DLC1: variants seen among roughly 807,000 people sequenced by gnomAD.
DLC1 encodes the protein rho GTPase-activating protein 7.
In DLC1, 54 loss-of-function variants were observed where a neutral mutation model predicts 140.3. The ratio of observed to expected loss-of-function variants is 0.38; its 90% confidence interval spans 0.31 to 0.48. DLC1 has a LOEUF of 0.48. DLC1 is among the 20% of genes least tolerant of loss of function. The pLI is 0.96. For missense variants in DLC1, 2,536 were observed against 1,907.0 expected (o/e 1.33, Z -6.14); for synonymous variants, 986 against 728.1 (o/e 1.35, Z -5.70).
intron 1 of DLC1, among the ~76,000 whole-genome samples, chr8:13,604,002 A>G (rs1002752646): frequency 6.6e-6 from 1 of 152,162 alleles, no homozygotes; most frequent in African/African-American, 2.4e-5. Context: ...TCTATGAAAA[A>G]GCTTATAAGA....
chr8:13,561,514 G>T (rs993285559), intron 1 of DLC1, among the ~76,000 whole-genome samples: 6 of 152,122 alleles, frequency 3.9e-5, no homozygotes, highest in South Asian at 4.1e-4. Context: ...TTTTTTTAAT[G>T]CAAAACTGGG....
chr8:13,243,388 G>A (rs546269286), intron 5 of DLC1, among the ~76,000 whole-genome samples: 12 of 151,038 alleles, frequency 7.9e-5, no homozygotes, highest in Non-Finnish European at 1.0e-4. Context: ...ACCTTCTGCC[G>A]TGATTGTGAG....
intron 2 of DLC1, among the ~76,000 whole-genome samples, chr8:13,417,880 C>G (rs1462682096): frequency 6.6e-6 from 1 of 152,106 alleles, no homozygotes; most frequent in African/African-American, 2.4e-5. Context: ...CTGTTGTTTC[C>G]TGACTTTTTA....
At chr8:13,447,318 T>C (rs1041276879) in intron 2 of DLC1, among the ~76,000 whole-genome samples, 2 of 152,258 alleles carry the variant, frequency 1.3e-5, no homozygotes, top group African/African-American at 4.8e-5. Flanking sequence ...ACATAATTCT[T>C]ATATTTTCTT....
At chr8:13,522,282 G>A (rs774625134) in intron 1 of DLC1, among the ~76,000 whole-genome samples, 7 of 152,066 alleles carry the variant, frequency 4.6e-5, no homozygotes, top group Non-Finnish European at 7.4e-5. Context: ...ACAATGGAAC[G>A]ACTTTGGCCT....
intron 4 of DLC1, among the ~76,000 whole-genome samples, chr8:13,331,049 A>G (rs1174516558): frequency 6.6e-6 from 1 of 152,190 alleles, no homozygotes; most frequent in Non-Finnish European, 1.5e-5. Context: ...AGAAAAGCTC[A>G]CTACCTTCTT....
chr8:13,364,770 C>G (rs982736236), intron 4 of DLC1, among the ~76,000 whole-genome samples: 3 of 152,136 alleles, frequency 2.0e-5, no homozygotes, highest in African/African-American at 7.2e-5. Flanking sequence ...CCAATCAAAA[C>G]CAAACTTTTC....
intron 2 of DLC1, chr8:13,498,769 C>CAACTAAAGAA (rs1385652877): frequency 4.0e-5 from 12 of 298,572 alleles, no homozygotes; most frequent in Non-Finnish European, 6.7e-5. Flanking sequence ...TATTTAATTC[C>CAACTAAAGAA]AACTAAAGAA....
At chr8:13,316,298 A>G (rs1461322655) in intron 4 of DLC1, among the ~76,000 whole-genome samples, 1 of 152,214 alleles carries the variant, frequency 6.6e-6, no homozygotes, top group Non-Finnish European at 1.5e-5. Context: ...TGAGATATGC[A>G]GGACAAACAG....
In DLC1 at chr8:13,499,500, A is replaced by G. The variant is rs1187901231; in HGVS notation, c.572T>C (p.Leu191Pro). The G allele has an allele frequency of 6.2e-7, 1 of 1,614,160 alleles. No individual in the cohort carries two copies. The change falls in exon 2 of 18, where the codon CTG becomes CCG. Residue 191 changes from leucine to proline, a missense_variant. By Grantham distance (98) the Leu-to-Pro change is moderately conservative (BLOSUM62 -3). Coordinates refer to ENST00000276297, the MANE Select transcript of DLC1 (RefSeq NM_182643.3). ...RKVTDSISKS[L>P]ELCNEISLSE... ...TAAGCTTATTTCATTGCAAAGCTCC[A>G]GGCTTTTACTTATAGAGTCAGTAAC... is the stretch of plus-strand genomic sequence containing the variant.
intron 5 of DLC1, among the ~76,000 whole-genome samples, chr8:13,143,183 C>G (rs1345646508): frequency 6.6e-6 from 1 of 152,072 alleles, no homozygotes. Context: ...TTCAAAGCTA[C>G]TGATATTAAG....
chr8:13,153,510 G>A (rs754701546), intron 5 of DLC1, among the ~76,000 whole-genome samples: 3 of 152,166 alleles, frequency 2.0e-5, no homozygotes, highest in East Asian at 1.9e-4. Flanking sequence ...CAAACAGGTC[G>A]CCACTGCTGG....
At chr8:13,129,500 C>G (rs544905963) in intron 5 of DLC1, among the ~76,000 whole-genome samples, 1 of 152,194 alleles carries the variant, frequency 6.6e-6, no homozygotes, top group East Asian at 1.9e-4. Flanking sequence ...AGCCCCACAG[C>G]TCCAAACTAA....
chr8:13,401,304 A>G (rs1837285545), intron 3 of DLC1, among the ~76,000 whole-genome samples, 166 bp downstream of exon 3: 1 of 152,212 alleles, frequency 6.6e-6, no homozygotes, highest in African/African-American at 2.4e-5. Context: ...TTATGCATAG[A>G]ATGTATGCAT....
chr8:13,535,000 A>G (rs1803225693), intron 1 of DLC1, among the ~76,000 whole-genome samples: 1 of 152,120 alleles, frequency 6.6e-6, no homozygotes, highest in Admixed American at 6.6e-5. Flanking sequence ...ATCTCTCGCT[A>G]ATCACTAATT....
chr8:13,127,172 G>A (rs1356159871), intron 5 of DLC1, among the ~76,000 whole-genome samples: 1 of 152,210 alleles, frequency 6.6e-6, no homozygotes, highest in African/African-American at 2.4e-5. Flanking sequence ...TATTGCTTGG[G>A]ACACCCAGCC....
At chr8:13,577,177 C>A (rs10086825) in intron 1 of DLC1, among the ~76,000 whole-genome samples, 1 of 151,926 alleles carries the variant, frequency 6.6e-6, no homozygotes, top group African/African-American at 2.4e-5. Flanking sequence ...CATCTTCCGA[C>A]ATTGGACTTT....
intron 11 of DLC1, 64 bp from the exon 12 acceptor site, chr8:13,095,021 A>C (rs1050823956): frequency 6.2e-7 from 1 of 1,613,628 alleles, no homozygotes; most frequent in Non-Finnish European, 8.5e-7. Context: ...ACACCACACA[A>C]CTAGAAGAAG....
intron 5 of DLC1, among the ~76,000 whole-genome samples, chr8:13,125,830 G>A (rs1315935827): frequency 1.3e-5 from 2 of 151,756 alleles, no homozygotes; most frequent in African/African-American, 2.4e-5. Flanking sequence ...AGAAAGGAGG[G>A]GAAAAAGGAC....
Sources: gnomAD v4.1 joint callset for allele counts (sites outside exome capture counted in the v4.1 genomes callset) on GRCh38, gnomAD v4.1.1 for gene constraint, MANE v1.5 for transcripts, NCBI Gene and HGNC (gene_info 2026-07-23, HGNC 2026-07-21) for gene names.